ZNF804B: variants seen among roughly 807,000 people sequenced by gnomAD.
The protein encoded by ZNF804B is zinc finger 804B.
Under a neutral mutation model 101.4 loss-of-function variants are expected in ZNF804B, and 80 were observed. The ratio of observed to expected loss-of-function variants is 0.79; its 90% CI spans 0.66 to 0.95. The LOEUF is 0.95. Among genes scored for constraint, ZNF804B ranks in the 40% least tolerant of loss-of-function variants. The pLI is 0.00. For synonymous variants in ZNF804B, 622 were observed against 558.8 expected, an observed-to-expected ratio of 1.11 and a Z score of -1.59; for missense variants, 1,673 against 1,561.9, an observed-to-expected ratio of 1.07 and a Z score of -1.20.
At chr7:88,791,445 A>G (rs537281830) in intron 1 of ZNF804B, among the ~76,000 whole-genome samples, 5 of 152,258 alleles carry the variant, frequency 3.3e-5, no homozygotes, top group African/African-American at 1.2e-4. Context: ...AAATTACGAT[A>G]TGCTAAGTAA....
chr7:89,203,668 T>A (rs1193556727), intron 1 of ZNF804B, among the ~76,000 whole-genome samples: 1 of 152,126 alleles, frequency 6.6e-6, no homozygotes, highest in Admixed American at 6.6e-5. Flanking sequence ...TGGTGTGCCT[T>A]TGTGAACACA....
intron 1 of ZNF804B, among the ~76,000 whole-genome samples, chr7:89,004,884 C>A (rs1435289154): frequency 3.3e-5 from 5 of 151,704 alleles, no homozygotes; most frequent in African/African-American, 4.8e-5. Flanking sequence ...TTTTTCTAGC[C>A]TTCTTCTCTG....
At chr7:88,800,715 TGTGTGTGTGTGTG>T (rs1790566065) in intron 1 of ZNF804B, among the ~76,000 whole-genome samples, 1 of 151,490 alleles carries the variant, frequency 6.6e-6, no homozygotes, top group Admixed American at 6.6e-5. Context: ...TGTGTGTGTG[TGTGTGTGTGTGTG>T]TGTGTGCTTA....
At chr7:89,193,381 A>G (rs918625357) in intron 1 of ZNF804B, among the ~76,000 whole-genome samples, 6 of 151,182 alleles carry the variant, frequency 4.0e-5, no homozygotes, top group Admixed American at 2.0e-4. Flanking sequence ...TTACACATGT[A>G]TACATGTGCC....
chr7:89,125,576 AT>A (rs1210451840), intron 1 of ZNF804B, among the ~76,000 whole-genome samples: 1 of 152,068 alleles, frequency 6.6e-6, no homozygotes, highest in Non-Finnish European at 1.5e-5. Context: ...GTGGGTTTTA[AT>A]TTAAATTTTC....
intron 1 of ZNF804B, among the ~76,000 whole-genome samples, chr7:89,056,420 G>A (rs561343588): frequency 6.6e-6 from 1 of 152,184 alleles, no homozygotes; most frequent in Admixed American, 6.6e-5. Flanking sequence ...GTTGAAAACG[G>A]GGTTTGAGGA....
At position 89,336,376 on chromosome 7, in the gene ZNF804B, T is replaced by C. The variant is rs1314648893; in HGVS notation, c.3394T>C (p.Leu1132=). 6.2e-7 allele frequency: 1 copy of C among 1,614,048 alleles called. No individual in the cohort carries two copies. Among genetic ancestry groups the C allele is most frequent in the Middle Eastern group, 1.6e-4 (1 of 6,062 alleles). The change falls in exon 4 of 4, where the codon TTA becomes CTA. Residue 1132 remains leucine (L), a synonymous_variant. Transcript: ENST00000333190. ...GAAACCTGACAAAGTCGAAGACGGA[T>C]TAGAAATGTGTCATAAATCTATCTC... ...MQKPDKVEDG[L]EMCHKSISPP... is the part of the protein sequence containing the mutation.
intron 2 of ZNF804B, among the ~76,000 whole-genome samples, chr7:89,218,846 AT>A (rs1788935352): frequency 6.6e-6 from 1 of 152,156 alleles, no homozygotes; most frequent in Non-Finnish European, 1.5e-5. Flanking sequence ...GAAGTGGATC[AT>A]CATAAAGGTC....
At chr7:89,277,740 C>T (rs1175894159) in intron 2 of ZNF804B, among the ~76,000 whole-genome samples, 1 of 151,492 alleles carries the variant, frequency 6.6e-6, no homozygotes, top group African/African-American at 2.4e-5. Flanking sequence ...TTCTTAATCC[C>T]ATCTATCATT....
intron 2 of ZNF804B, among the ~76,000 whole-genome samples, chr7:89,281,971 G>A (rs1790102807): frequency 6.6e-6 from 1 of 152,036 alleles, no homozygotes; most frequent in African/African-American, 2.4e-5. Flanking sequence ...GGAGGCCGAG[G>A]CGGGCGGATC....
chr7:88,882,502 C>T (rs1375710295), intron 1 of ZNF804B, among the ~76,000 whole-genome samples: 1 of 152,122 alleles, frequency 6.6e-6, no homozygotes, highest in African/African-American at 2.4e-5. Flanking sequence ...TTCCATTTGA[C>T]CCAGCAATCT....
chr7:89,139,410 T>C (rs1189059925), intron 1 of ZNF804B, among the ~76,000 whole-genome samples: 1 of 152,074 alleles, frequency 6.6e-6, no homozygotes, highest in Admixed American at 6.6e-5. Context: ...ATCAGCTGAC[T>C]CCTCCTTTCA....
chr7:89,161,185 C>G (rs959351542), intron 1 of ZNF804B, among the ~76,000 whole-genome samples: 3 of 152,034 alleles, frequency 2.0e-5, no homozygotes, highest in African/African-American at 7.2e-5. Flanking sequence ...TGAAAGCACA[C>G]TGGGCAAGCC....
chr7:89,188,338 G>C (rs893330686), intron 1 of ZNF804B, among the ~76,000 whole-genome samples: 4 of 152,062 alleles, frequency 2.6e-5, no homozygotes, highest in Non-Finnish European at 5.9e-5. Flanking sequence ...TGTTGTAAGT[G>C]TTCTGACTGC....
chr7:89,035,863 A>ATATAT (rs1788916988), intron 1 of ZNF804B, among the ~76,000 whole-genome samples: 1 of 146,666 alleles, frequency 6.8e-6, no homozygotes, highest in Non-Finnish European at 1.5e-5. Context: ...TTCCAAATAT[A>ATATAT]TATATTATAT....
intron 1 of ZNF804B, among the ~76,000 whole-genome samples, chr7:88,896,705 AAATAAAT>A (rs961754532): frequency 3.3e-5 from 5 of 152,202 alleles, no homozygotes; most frequent in Non-Finnish European, 5.9e-5. Context: ...TCATTTGGCC[AAATAAAT>A]AATTGGAATG....
At chr7:88,811,515 C>T (rs1369921761) in intron 1 of ZNF804B, among the ~76,000 whole-genome samples, 1 of 152,098 alleles carries the variant, frequency 6.6e-6, no homozygotes, top group African/African-American at 2.4e-5. Context: ...TATAAAGGTA[C>T]ATGCACATAT....
intron 1 of ZNF804B, among the ~76,000 whole-genome samples, chr7:88,789,218 G>C (rs561551737): frequency 6.6e-4 from 100 of 152,108 alleles, no homozygotes; most frequent in African/African-American, 2.4e-3. Flanking sequence ...CATGAGGCCA[G>C]CTAATATAAA....
intron 1 of ZNF804B, among the ~76,000 whole-genome samples, chr7:88,980,173 A>T (rs1333727069): frequency 6.6e-6 from 1 of 151,762 alleles, no homozygotes; most frequent in African/African-American, 2.4e-5. Flanking sequence ...TAATCTCTTT[A>T]TTACAATTAT....
Sources: allele counts gnomAD v4.1 joint callset (sites outside exome capture counted in the v4.1 genomes callset), GRCh38; gene constraint gnomAD v4.1.1; transcripts MANE v1.5; gene names NCBI Gene and HGNC (gene_info 2026-07-23, HGNC 2026-07-21).